INTS3: variants seen among roughly 807,000 people sequenced by gnomAD.
The protein encoded by INTS3 is integrator complex subunit 3.
In INTS3, 34 loss-of-function variants were observed where a neutral mutation model predicts 146.3. The ratio of observed to expected loss-of-function variants is 0.23; its 90% CI spans 0.18 to 0.31. The LOEUF is 0.31. Ranked by LOEUF, INTS3 falls within the 10% of genes least tolerant of loss-of-function variation. The pLI, the probability that INTS3 is intolerant of heterozygous loss-of-function variation, is 1.00. For synonymous variants in INTS3, 475 were observed against 494.9 expected (o/e 0.96, Z 0.53); for missense variants, 757 against 1,304.2 (o/e 0.58, Z 6.46).
Position 153,773,230 on chromosome 1 carries a change from A to T in INTS3, c.3089A>T (p.Lys1030Ile). ...EDTKPKPTKR[K>I]RKGSSAVGSD... ...ACGAAACCGAAGCCTACCAAGCGGAAACGAAAAGGGTCCTCTGCAGTGGGC... is the reference window on the plus strand; with the variant it reads ...ACGAAACCGAAGCCTACCAAGCGGATACGAAAAGGGTCCTCTGCAGTGGGC... Residue 1030 changes from lysine to isoleucine, a missense_variant, in exon 30 of 30, where the codon AAA (lysine) becomes ATA (isoleucine). Physicochemically the swap from Lys to Ile is moderately radical, Grantham distance 102. Around this residue, in one of 8 missense-constraint regions of INTS3, gnomAD observed 125 missense variants for 165.6 expected, o/e 0.75. Coordinates refer to ENST00000318967, the MANE Select transcript of INTS3 (RefSeq NM_023015.5). 6.2e-7 allele frequency: 1 copy of T among 1,614,094 alleles called. No individual in the cohort carries two copies. The highest frequency in any genetic ancestry group is 8.5e-7 in the Non-Finnish European group (1 of 1,180,034).
In INTS3 at chr1:153,769,688, C is replaced by T. The variant is rs146490533; in HGVS notation, c.2314-81C>T. On this transcript the variant is annotated intron_variant, in intron 22 of 29. Coordinates refer to ENST00000318967, the MANE Select transcript of INTS3 (RefSeq NM_023015.5). ...CTAATTTTTTTTTTTCCCTTACGAG[C>T]CCTCCTGCGTCCCCCTCCATACTAG... The T allele has an allele frequency of 1.4e-5, 12 of 886,498 alleles. No individual in the cohort carries two copies. In the East Asian group the frequency reaches 2.9e-4, roughly 21 times the overall value. 54.9% of individuals were successfully genotyped at this position (886,498 alleles called of 1,614,324 possible). A position where few individuals can be genotyped will look rare whatever the true frequency, so the allele number is the denominator to read the frequency against.
At chr1:153,763,385 A>T (rs779778294) in intron 16 of INTS3, 23 bp downstream of exon 16, 1 of 1,613,288 alleles carries the variant, frequency 6.2e-7, no homozygotes, top group Non-Finnish European at 8.5e-7. Context: ...CTTGTTCTCA[A>T]CTTCAGGAGG....
intron 7 of INTS3, 29 bp downstream of exon 7, chr1:153,751,268 G>A: frequency 6.2e-7 from 1 of 1,610,764 alleles, no homozygotes; most frequent in Non-Finnish European, 8.5e-7. Flanking sequence ...AATAATGTGG[G>A]GAAGTGAGAC....
In INTS3 at chr1:153,762,138, A is replaced by G. The variant is rs957226011; in HGVS notation, c.1516+462A>G. ...GGTCTAAGTCAAGTAGTATTTTCCA[A>G]CTTGGTTTTAAATTAAAGAGCACTT... is the stretch of plus-strand genomic sequence containing the variant. On this transcript the variant is annotated intron_variant, in intron 14 of 29. Transcript: ENST00000318967. Among the ~76,000 whole-genome samples, 5 of 152,180 alleles carry G rather than the reference A, an allele frequency of 3.3e-5. No individual in the cohort carries two copies. In the South Asian group the frequency reaches 1.0e-3, roughly 32 times the overall value.
intron 1 of INTS3, among the ~76,000 whole-genome samples, chr1:153,732,219 C>T (rs1487537979): frequency 1.3e-5 from 2 of 151,854 alleles, no homozygotes; most frequent in South Asian, 2.1e-4. Context: ...TCCTCTTAAG[C>T]GCTGGATAGG....
At chr1:153,764,830 C>T in intron 19 of INTS3, 96 bp downstream of exon 19, 3 of 1,538,784 alleles carry the variant, frequency 1.9e-6, no homozygotes, top group Non-Finnish European at 2.7e-6. Context: ...ACTCGCTTTC[C>T]AGGGAGGAGG....
intron 1 of INTS3, among the ~76,000 whole-genome samples, chr1:153,733,484 T>G (rs1671168702): frequency 6.6e-6 from 1 of 151,944 alleles, no homozygotes; most frequent in Non-Finnish European, 1.5e-5. Flanking sequence ...GTGCTGGGAT[T>G]ACAGGCGTGA....
chr1:153,755,846 C>G (rs1672139489), intron 9 of INTS3, among the ~76,000 whole-genome samples: 1 of 152,126 alleles, frequency 6.6e-6, no homozygotes, highest in Non-Finnish European at 1.5e-5. Flanking sequence ...TGGGACCACC[C>G]TGGCCAACGT....
At chr1:153,748,602 G>A in intron 5 of INTS3, 87 bp from the exon 6 acceptor site, 2 of 1,052,270 alleles carry the variant, frequency 1.9e-6, no homozygotes, top group South Asian at 1.3e-5. Context: ...TGGCAGTCAG[G>A]GTGGACCAGC....
At chr1:153,751,416 A>C (rs1348249826) in intron 7 of INTS3, among the ~76,000 whole-genome samples, 177 bp downstream of exon 7, 1 of 152,192 alleles carries the variant, frequency 6.6e-6, no homozygotes, top group East Asian at 1.9e-4. Flanking sequence ...AGTGTAAAAT[A>C]GCCCTAATTC....
At chr1:153,731,533 A>G (rs917383191) in intron 1 of INTS3, among the ~76,000 whole-genome samples, 3 of 151,126 alleles carry the variant, frequency 2.0e-5, no homozygotes, top group Non-Finnish European at 4.4e-5. Context: ...AAGAGGGACC[A>G]ATCACTTTTA....
intron 11 of INTS3, chr1:153,759,900 CT>C (rs1161582402): frequency 1.5e-5 from 8 of 517,706 alleles, no homozygotes; most frequent in African/African-American, 1.5e-4. Context: ...TTCTCCTCAC[CT>C]ATTACTTCCC....
intron 3 of INTS3, among the ~76,000 whole-genome samples, chr1:153,745,470 A>G (rs986197891): frequency 2.0e-5 from 3 of 151,086 alleles, no homozygotes; most frequent in African/African-American, 4.9e-5. Context: ...TTGCTATACT[A>G]TATGATTATT....
chr1:153,765,207 G>A, intron 20 of INTS3, 144 bp downstream of exon 20: 1 of 843,010 alleles, frequency 1.2e-6, no homozygotes, highest in Non-Finnish European at 1.9e-6. Flanking sequence ...GTTTTTAAGA[G>A]ACAGCATCTC....
At position 153,771,684 on chromosome 1, in the gene INTS3, G is replaced by A. The variant is rs1274391323; in HGVS notation, c.2553-112G>A. The A allele has an allele frequency of 1.0e-5, 10 of 985,562 alleles. No individual in the cohort carries two copies. In the Admixed American group the frequency reaches 1.3e-4, roughly 12 times the overall value. 61.1% of individuals were successfully genotyped at this position (985,562 alleles called of 1,614,324 possible). On this transcript the variant is annotated intron_variant, in intron 25 of 29. Coordinates refer to ENST00000318967, the MANE Select transcript of INTS3 (RefSeq NM_023015.5). ...GCCTAAGGAGAAGAGGGAGAGGGAT[G>A]TGAGAGTAGTGGGTGGGTGGGGAGG... is the stretch of plus-strand genomic sequence containing the variant.
intron 1 of INTS3, among the ~76,000 whole-genome samples, chr1:153,731,901 C>CTTT (rs34353204): frequency 0.01 from 672 of 65,272 alleles, 6 homozygotes; most frequent in East Asian, 0.017. Context: ...CTTTTTTTAA[C>CTTT]TTTTTTTTTT....
At chr1:153,765,170 T>C in intron 20 of INTS3, 107 bp downstream of exon 20, 2 of 1,234,792 alleles carry the variant, frequency 1.6e-6, no homozygotes, top group Non-Finnish European at 2.3e-6. Flanking sequence ...GGGCCTTCTT[T>C]GTGGGTCTGT....
At chr1:153,737,248 A>G (rs1474311673) in intron 1 of INTS3, among the ~76,000 whole-genome samples, 1 of 152,162 alleles carries the variant, frequency 6.6e-6, no homozygotes, top group Non-Finnish European at 1.5e-5. Context: ...TTTTTCTTAA[A>G]CAGTTTTTGG....
At chr1:153,767,428 G>T (rs376155053) in intron 20 of INTS3, 3 of 417,646 alleles carry the variant, frequency 7.2e-6, no homozygotes, top group Non-Finnish European at 4.3e-6. Context: ...TCCGGCAGTA[G>T]CTTCACTCAC....
Sources: allele counts gnomAD v4.1 joint callset (sites outside exome capture counted in the v4.1 genomes callset), GRCh38; gene constraint gnomAD v4.1.1; regional missense constraint gnomAD v4.1.1; transcripts MANE v1.5; gene names NCBI Gene and HGNC (gene_info 2026-07-23, HGNC 2026-07-21).